FAM184A: variants seen among roughly 807,000 people sequenced by gnomAD.
The protein encoded by FAM184A is family with sequence similarity 184 member A.
Under a neutral mutation model 143.8 loss-of-function variants are expected in FAM184A, and 99 were observed. The observed-to-expected ratio is 0.69, with a 90% CI of 0.58 to 0.81. The LOEUF (loss-of-function observed/expected upper bound fraction) is 0.81. FAM184A is among the 40% of genes least tolerant of loss of function. FAM184A has a pLI of 0.00. For synonymous variants in FAM184A, 427 were observed against 446.4 expected (o/e 0.96, Z 0.55); for missense variants, 1,217 against 1,310.5 (o/e 0.93, Z 1.10).
chr6:118,985,364 C>G (rs970767544), intron 9 of FAM184A, among the ~76,000 whole-genome samples: 2 of 152,198 alleles, frequency 1.3e-5, no homozygotes, highest in Non-Finnish European at 2.9e-5. Context: ...GTGTCCTGAC[C>G]TGCAGATGTG....
Position 118,960,110 on chromosome 6 carries a change from G to A in FAM184A, c.3416C>T (p.Thr1139Ile). 1 of 1,612,814 alleles carries A rather than the reference G, an allele frequency of 6.2e-7. No individual in the cohort carries two copies. Among genetic ancestry groups the A allele is most frequent in the East Asian group, 2.2e-5 (1 of 44,876 alleles). ...TGTGCCAACACAATTCTTTCAGAAT[G>A]TGAAGTACCGGGCAAACCACTCCTG... ...QRQEWFARYFTF is the reference protein window; with the variant it reads ...QRQEWFARYFIF Residue 1139 changes from threonine (T) to isoleucine (I), a missense_variant, in exon 18 of 18, where the codon ACA becomes ATA. Coordinates refer to ENST00000338891, the MANE Select transcript of FAM184A (RefSeq NM_024581.6).
chr6:119,008,920 T>C (rs984280547), intron 6 of FAM184A, among the ~76,000 whole-genome samples: 14 of 152,222 alleles, frequency 9.2e-5, no homozygotes, highest in Non-Finnish European at 1.8e-4. Context: ...CTCCACAACA[T>C]AGCCCCTGCT....
intron 9 of FAM184A, among the ~76,000 whole-genome samples, chr6:118,999,279 A>G (rs1218949009): frequency 2.0e-5 from 3 of 152,180 alleles, no homozygotes; most frequent in Non-Finnish European, 4.4e-5. Context: ...AAATGTCTCT[A>G]TTTCATTCTT....
chr6:119,125,028 T>G (rs1477217145), intron 1 of FAM184A, among the ~76,000 whole-genome samples: 1 of 152,228 alleles, frequency 6.6e-6, no homozygotes, highest in Non-Finnish European at 1.5e-5. Flanking sequence ...TACTAACGCT[T>G]TGAAAGTGCC....
chr6:119,012,875 T>C (rs1408853817), intron 5 of FAM184A, among the ~76,000 whole-genome samples: 1 of 152,236 alleles, frequency 6.6e-6, no homozygotes, highest in African/African-American at 2.4e-5. Flanking sequence ...ATGGGTTCTC[T>C]GTATATTCAC....
intron 1 of FAM184A, among the ~76,000 whole-genome samples, chr6:119,084,062 C>T (rs1462671509): frequency 1.3e-5 from 2 of 151,532 alleles, no homozygotes; most frequent in African/African-American, 4.9e-5. Flanking sequence ...CAAGGCACAT[C>T]TTACATTGTG....
chr6:119,093,827 C>T (rs1257287027), intron 1 of FAM184A, among the ~76,000 whole-genome samples: 1 of 152,064 alleles, frequency 6.6e-6, no homozygotes, highest in East Asian at 1.9e-4. Flanking sequence ...AGTCTGAGTC[C>T]CACTGTTTCC....
intron 15 of FAM184A, among the ~76,000 whole-genome samples, chr6:118,965,316 G>A (rs1783469429): frequency 1.3e-5 from 2 of 150,750 alleles, no homozygotes; most frequent in African/African-American, 4.9e-5. Flanking sequence ...CCAAAGTGCT[G>A]GGATTATAAG....
intron 1 of FAM184A, among the ~76,000 whole-genome samples, chr6:119,096,787 T>C (rs925626550): frequency 6.6e-6 from 1 of 152,088 alleles, no homozygotes; most frequent in African/African-American, 2.4e-5. Flanking sequence ...TTGTCTCTCC[T>C]ACCTCCTGAC....
Position 119,144,203 on chromosome 6 carries a change from G to A in FAM184A, c.-202+4875C>T, listed in dbSNP as rs904408299. 8.6e-4 allele frequency among the ~76,000 whole-genome samples: 130 copies of A among 151,462 alleles called. 1 individual carries two copies. The highest frequency in any genetic ancestry group is 2.8e-3 in the African/African-American group (116 of 41,364). ...AAAAAAATTAGCCGGGTGTGGTGGCGGGCGCCTGTAGTCCCAGCTACTCGA... is the reference window on the plus strand; with the variant it reads ...AAAAAAATTAGCCGGGTGTGGTGGCAGGCGCCTGTAGTCCCAGCTACTCGA... On this transcript the variant is annotated intron_variant, in intron 1 of 16. Coordinates refer to the FAM184A transcript ENST00000352896.
In FAM184A at chr6:119,078,237, C is replaced by A. The variant is rs747162457; in HGVS notation, c.63G>T (p.Ala21=). The change falls in exon 1 of 18, where the codon GCG becomes GCT. Residue 21 remains alanine (A), a synonymous_variant. Coordinates refer to ENST00000338891, the MANE Select transcript of FAM184A (RefSeq NM_024581.6). The surrounding 1 kb of genome is among the most constrained non-coding windows in gnomAD (Gnocchi z 5.5). ...HYYGGSAAKF[A]PSPATAQLAG... ...CCAGCTGTGCGGTGGCCGGCGAGGG[C>A]GCGAATTTGGCCGCCGAGCCGCCGT... 1.8e-5 allele frequency: 28 copies of A among 1,533,356 alleles called. No individual in the cohort carries two copies. The highest frequency in any genetic ancestry group is 7.9e-5 in the Admixed American group (4 of 50,484). 95.0% of individuals were successfully genotyped at this position (1,533,356 alleles called of 1,614,324 possible).
intron 14 of FAM184A, among the ~76,000 whole-genome samples, chr6:118,970,979 C>G (rs1356945509): frequency 1.3e-5 from 2 of 151,766 alleles, no homozygotes; most frequent in Non-Finnish European, 1.5e-5. Context: ...ATTTTAGAAC[C>G]AAAAATGGTA....
At chr6:118,962,840 T>C (rs1213386118) in intron 16 of FAM184A, 1 of 152,126 alleles carries the variant, frequency 6.6e-6, no homozygotes, top group Non-Finnish European at 1.5e-5. Flanking sequence ...AAAATTAACA[T>C]GTTACTAGAT....
chr6:118,979,585 A>G (rs1783956451), intron 10 of FAM184A, 67 bp from the exon 11 acceptor site: 5 of 1,224,006 alleles, frequency 4.1e-6, no homozygotes, highest in Non-Finnish European at 4.5e-6. Flanking sequence ...AAAATAGAAA[A>G]CAGTTACTAA....
intron 1 of FAM184A, among the ~76,000 whole-genome samples, chr6:119,107,726 C>T (rs1048692574): frequency 1.3e-5 from 2 of 148,218 alleles, no homozygotes; most frequent in South Asian, 2.1e-4. Flanking sequence ...TGCAGTGAAC[C>T]GAGATCTCGC....
chr6:119,055,459 G>A (rs1786932440), intron 1 of FAM184A, among the ~76,000 whole-genome samples: 4 of 152,156 alleles, frequency 2.6e-5, no homozygotes, highest in Admixed American at 2.6e-4. Flanking sequence ...TTGAGAAATT[G>A]CCAAACTGTT....
intron 14 of FAM184A, among the ~76,000 whole-genome samples, chr6:118,967,167 G>T (rs1167353630): frequency 6.6e-6 from 1 of 152,180 alleles, no homozygotes; most frequent in Non-Finnish European, 1.5e-5. Context: ...GAAAGGCTTT[G>T]CAGGTTACTT....
At position 118,959,959 on chromosome 6, in the gene FAM184A, G is replaced by C. The variant is rs915488707; in HGVS notation, c.*144C>G. 4 of 556,132 alleles carry C rather than the reference G, an allele frequency of 7.2e-6. No individual in the cohort carries two copies. The highest frequency in any genetic ancestry group is 1.3e-5 in the Non-Finnish European group (4 of 319,038). 34.4% of individuals were successfully genotyped at this position (556,132 alleles called of 1,614,324 possible). A position where few individuals can be genotyped will look rare whatever the true frequency, so the allele number is the denominator to read the frequency against. ...TAGAATGATTCCAATAAATATCACAGGAAATACAGTGCATTTTCAAGTTGG... is the reference window on the plus strand; with the variant it reads ...TAGAATGATTCCAATAAATATCACACGAAATACAGTGCATTTTCAAGTTGG... On this transcript the variant is annotated 3_prime_UTR_variant, in exon 18 of 18. Transcript: ENST00000338891.
At chr6:119,072,020 C>G (rs1787708335) in intron 1 of FAM184A, among the ~76,000 whole-genome samples, 2 of 151,952 alleles carry the variant, frequency 1.3e-5, no homozygotes, top group African/African-American at 4.8e-5. Flanking sequence ...CACCACCACA[C>G]CAGCTAATTT....
Sources: gnomAD v4.1 joint callset for allele counts (sites outside exome capture counted in the v4.1 genomes callset) on GRCh38, gnomAD v4.1.1 for gene constraint, Gnocchi (gnomAD v3.1) non-coding constraint, MANE v1.5 for transcripts, NCBI Gene and HGNC (gene_info 2026-07-23, HGNC 2026-07-21) for gene names.